Variants in CSMD1 observed in about 807,000 individuals in gnomAD.
CSMD1 encodes the protein CUB and Sushi multiple domains 1.
In CSMD1, 213 loss-of-function variants were observed where a neutral mutation model predicts 417.5. The ratio of observed to expected loss-of-function variants is 0.51; its 90% CI spans 0.46 to 0.57. The LOEUF (loss-of-function observed/expected upper bound fraction) is 0.57, where lower values mean the gene tolerates loss of function less well. Ranked by LOEUF, CSMD1 falls within the 20% of genes least tolerant of loss-of-function variation. The pLI, the probability that CSMD1 is intolerant of heterozygous loss-of-function variation, is 0.00. For missense variants in CSMD1, 6,923 were observed against 4,529.7 expected (o/e 1.53, Z -15.17); for synonymous variants, 2,862 against 1,736.8 (o/e 1.65, Z -16.11).
chr8:3,401,251 G>A (rs1475266913), intron 15 of CSMD1, among the ~76,000 whole-genome samples: 1 of 152,006 alleles, frequency 6.6e-6, no homozygotes, highest in South Asian at 2.1e-4. Context: ...AAATCTGCAT[G>A]ATAAGTTATT....
intron 49 of CSMD1, among the ~76,000 whole-genome samples, chr8:3,073,157 G>A (rs895973183): frequency 1.3e-5 from 2 of 152,086 alleles, no homozygotes; most frequent in African/African-American, 2.4e-5. Context: ...ATAGAGTGAG[G>A]AAAATGACTT....
At chr8:3,328,744 G>GA (rs1806699025) in intron 23 of CSMD1, among the ~76,000 whole-genome samples, 2 of 152,104 alleles carry the variant, frequency 1.3e-5, no homozygotes, top group Admixed American at 1.3e-4. Flanking sequence ...AAAACAAAGA[G>GA]AAAAATCTGG....
intron 3 of CSMD1, among the ~76,000 whole-genome samples, chr8:4,416,439 C>T (rs1432309071): frequency 6.6e-6 from 1 of 151,846 alleles, no homozygotes; most frequent in Non-Finnish European, 1.5e-5. Context: ...TTTTAGAAAA[C>T]ATTTGAAATT....
At chr8:4,734,973 A>C (rs1275627195) in intron 1 of CSMD1, among the ~76,000 whole-genome samples, 2 of 152,172 alleles carry the variant, frequency 1.3e-5, no homozygotes, top group African/African-American at 4.8e-5. Flanking sequence ...GAAAGTTTCC[A>C]TATGGATGTT....
intron 37 of CSMD1, among the ~76,000 whole-genome samples, chr8:3,177,388 C>A (rs1374497106): frequency 6.6e-6 from 1 of 152,130 alleles, no homozygotes; most frequent in Non-Finnish European, 1.5e-5. Flanking sequence ...CCATGCATGT[C>A]CCTGAAGCTT....
chr8:4,250,432 G>T (rs953568706), intron 3 of CSMD1, among the ~76,000 whole-genome samples: 2 of 152,012 alleles, frequency 1.3e-5, no homozygotes, highest in Non-Finnish European at 2.9e-5. Flanking sequence ...CTGCTCCCTG[G>T]GGAACATGCG....
intron 3 of CSMD1, among the ~76,000 whole-genome samples, chr8:4,139,083 T>A (rs552289436): frequency 1.3e-5 from 2 of 152,254 alleles, no homozygotes; most frequent in East Asian, 3.9e-4. Flanking sequence ...ACAATGTCTT[T>A]TACCGACCAC....
chr8:4,097,634 G>C (rs892773655), intron 3 of CSMD1, among the ~76,000 whole-genome samples: 2 of 152,024 alleles, frequency 1.3e-5, no homozygotes, highest in African/African-American at 4.8e-5. Flanking sequence ...TGCAACATAG[G>C]GATTCAAGTA....
At chr8:3,423,631 C>T (rs1813635760) in intron 12 of CSMD1, among the ~76,000 whole-genome samples, 1 of 152,150 alleles carries the variant, frequency 6.6e-6, no homozygotes, top group Non-Finnish European at 1.5e-5. Context: ...TCTATCTTGT[C>T]ACCAGCTGAT....
intron 7 of CSMD1, among the ~76,000 whole-genome samples, chr8:3,696,523 A>G (rs914699931): frequency 5.3e-5 from 8 of 152,244 alleles, no homozygotes; most frequent in African/African-American, 1.7e-4. Flanking sequence ...AAGCAAATCA[A>G]TATAATCATT....
chr8:4,905,449 T>C (rs1047558301), intron 1 of CSMD1, among the ~76,000 whole-genome samples: 9 of 152,070 alleles, frequency 5.9e-5, no homozygotes, highest in African/African-American at 1.9e-4. Flanking sequence ...TAAAAGACTC[T>C]CACTTTCTGC....
At chr8:4,446,425 G>A (rs1798792464) in intron 2 of CSMD1, among the ~76,000 whole-genome samples, 1 of 152,120 alleles carries the variant, frequency 6.6e-6, no homozygotes, top group South Asian at 2.1e-4. Flanking sequence ...GTGCACACCT[G>A]TAGTCCCCGC....
intron 5 of CSMD1, among the ~76,000 whole-genome samples, chr8:3,849,323 C>G (rs73508759): frequency 2.0e-5 from 3 of 152,026 alleles, no homozygotes; most frequent in Non-Finnish European, 4.4e-5. Context: ...AGTTTCTGCA[C>G]CAGAATTTGG....
intron 1 of CSMD1, among the ~76,000 whole-genome samples, chr8:4,839,268 T>C (rs1402399896): frequency 3.3e-5 from 5 of 152,206 alleles, no homozygotes; most frequent in South Asian, 4.1e-4. Context: ...AATTATCTAG[T>C]CATTCATTCA....
intron 6 of CSMD1, among the ~76,000 whole-genome samples, chr8:3,730,798 T>C (rs1198744118): frequency 6.6e-6 from 1 of 152,142 alleles, no homozygotes; most frequent in African/African-American, 2.4e-5. Flanking sequence ...ACCTAATATT[T>C]TGACATGTTC....
At chr8:4,267,591 G>T (rs914164939) in intron 3 of CSMD1, among the ~76,000 whole-genome samples, 3 of 151,796 alleles carry the variant, frequency 2.0e-5, no homozygotes, top group Non-Finnish European at 4.4e-5. Flanking sequence ...ACACATTCTT[G>T]GTTGGTAGAA....
intron 10 of CSMD1, among the ~76,000 whole-genome samples, chr8:3,505,492 G>C (rs1269352871): frequency 6.6e-6 from 1 of 152,124 alleles, no homozygotes. Context: ...GAAGATAAAA[G>C]TGCTTCATTA....
At position 4,493,745 on chromosome 8, in the gene CSMD1, A is replaced by C. The variant is rs73496633; in HGVS notation, c.303-73680T>G. ...ACAAAAACCTAATAATTCAACATTT[A>C]AAAATAATTTAAATAGAATCAACTC... On this transcript the variant is annotated intron_variant, in intron 2 of 69. Coordinates refer to ENST00000635120, the MANE Select transcript of CSMD1 (RefSeq NM_033225.6). Among the ~76,000 whole-genome samples, 780 of 152,316 alleles carry C rather than the reference A, an allele frequency of 5.1e-3. 2 individuals carry two copies. Among genetic ancestry groups the C allele is most frequent in the African/African-American group, 0.018 (733 of 41,560 alleles).
At chr8:4,466,310 CAG>C (rs981655464) in intron 2 of CSMD1, among the ~76,000 whole-genome samples, 1 of 151,628 alleles carries the variant, frequency 6.6e-6, no homozygotes, top group Non-Finnish European at 1.5e-5. Context: ...GGAGGAGAAA[CAG>C]AAGAGGGAAG....
Sources: allele counts gnomAD v4.1 joint callset (sites outside exome capture counted in the v4.1 genomes callset), GRCh38; gene constraint gnomAD v4.1.1; transcripts MANE v1.5; gene names NCBI Gene and HGNC (gene_info 2026-07-23, HGNC 2026-07-21).